Variants in MAPK10 observed in about 807,000 individuals in gnomAD.
MAPK10 encodes the protein JNK3 alpha protein kinase.
In MAPK10, 25 loss-of-function variants were observed where a neutral mutation model predicts 59.3. The observed-to-expected ratio is 0.42, with a 90% CI of 0.31 to 0.59. MAPK10 has a LOEUF of 0.59. MAPK10 is among the 20% of genes least tolerant of loss of function. The pLI is 0.15. For missense variants in MAPK10, 351 were observed against 568.9 expected (o/e 0.62, Z 3.90); for synonymous variants, 190 against 200.5 (o/e 0.95, Z 0.44).
In MAPK10 at chr4:86,586,400, T is replaced by A. The variant is rs188544564; in HGVS notation, c.-263+7510A>T. Among the ~76,000 whole-genome samples, 406 of 152,234 alleles carry A rather than the reference T, an allele frequency of 2.7e-3. 3 individuals are homozygous for A. Among genetic ancestry groups the A allele is most frequent in the African/African-American group, 9.3e-3 (385 of 41,540 alleles). On this transcript the variant is annotated intron_variant, in intron 1 of 4. Transcript: ENST00000502302. Reference sequence around the variant, plus strand: ...ACATACCTCTCCCCCACCAAATTCCTCTCTCTGTCTTTCACTCATCATCGA... The same window carrying A: ...ACATACCTCTCCCCCACCAAATTCCACTCTCTGTCTTTCACTCATCATCGA...
intron 2 of MAPK10, among the ~76,000 whole-genome samples, chr4:86,268,942 T>C (rs1363568131): frequency 2.0e-5 from 3 of 152,182 alleles, no homozygotes; most frequent in Admixed American, 6.6e-5. Context: ...ACTTCTGTGT[T>C]GTTCTCCATT....
intron 1 of MAPK10, among the ~76,000 whole-genome samples, chr4:86,562,959 C>G (rs776923582): frequency 2.0e-5 from 3 of 152,198 alleles, no homozygotes; most frequent in Non-Finnish European, 2.9e-5. Flanking sequence ...CATCTAAATG[C>G]TTTAAGCTCC....
chr4:86,044,154 C>A (rs1353532039), intron 11 of MAPK10, among the ~76,000 whole-genome samples: 1 of 152,170 alleles, frequency 6.6e-6, no homozygotes, highest in Non-Finnish European at 1.5e-5. Flanking sequence ...CACGTCCACT[C>A]AGAGGGGCGA....
chr4:86,044,973 T>C (rs955155189), intron 11 of MAPK10, among the ~76,000 whole-genome samples: 1 of 152,162 alleles, frequency 6.6e-6, no homozygotes, highest in African/African-American at 2.4e-5. Context: ...TTATAATGTG[T>C]TATAAATGGA....
At chr4:86,591,226 T>C (rs796237044) in intron 1 of MAPK10, among the ~76,000 whole-genome samples, 5 of 152,288 alleles carry the variant, frequency 3.3e-5, no homozygotes, top group African/African-American at 1.2e-4. Flanking sequence ...GCCCAGCCAG[T>C]TTTATAAATT....
chr4:86,379,276 T>C (rs527671775), intron 1 of MAPK10, among the ~76,000 whole-genome samples: 4 of 152,322 alleles, frequency 2.6e-5, no homozygotes, highest in Admixed American at 1.3e-4. Flanking sequence ...ACAACTTTAC[T>C]ACCAGCATTT....
At chr4:86,528,021 A>C (rs966799970) in intron 1 of MAPK10, among the ~76,000 whole-genome samples, 1 of 152,208 alleles carries the variant, frequency 6.6e-6, no homozygotes, top group African/African-American at 2.4e-5. Context: ...GGGAGGGGAC[A>C]AGGACTGAAA....
chr4:86,067,528 G>A (rs1339254068), intron 10 of MAPK10, among the ~76,000 whole-genome samples: 1 of 152,064 alleles, frequency 6.6e-6, no homozygotes, highest in Non-Finnish European at 1.5e-5. Flanking sequence ...TTAACTTGAG[G>A]CTGTGCCAAT....
Position 86,153,992 on chromosome 4 carries a change from A to C in MAPK10, c.236+5306T>G, listed in dbSNP as rs1248719507. On this transcript the variant is annotated intron_variant, in intron 4 of 13. Coordinates refer to ENST00000641462, the MANE Select transcript of MAPK10 (RefSeq NM_138982.4). Reference sequence around the variant, plus strand: ...TGTACATGAGAGGATAATCATTTCCACTGGTCAGGGGCTAAATGGAAATGT... The same window carrying C: ...TGTACATGAGAGGATAATCATTTCCCCTGGTCAGGGGCTAAATGGAAATGT... Among the ~76,000 whole-genome samples the C allele has an allele frequency of 2.0e-5, 3 of 152,292 alleles. No homozygotes were observed. The East Asian group carries it at 5.8e-4, about 29-fold the overall frequency.
chr4:86,207,756 C>G (rs2084527885), intron 2 of MAPK10, among the ~76,000 whole-genome samples: 1 of 152,158 alleles, frequency 6.6e-6, no homozygotes, highest in East Asian at 1.9e-4. Context: ...TTGAAGAAGT[C>G]CTTCATGTCC....
At chr4:86,574,367 C>A (rs1483907847) in intron 1 of MAPK10, among the ~76,000 whole-genome samples, 1 of 151,726 alleles carries the variant, frequency 6.6e-6, no homozygotes, top group African/African-American at 2.4e-5. Context: ...AATAAACATA[C>A]GTGTGCATGT....
At chr4:86,075,859 C>G (rs1240845207) in intron 9 of MAPK10, among the ~76,000 whole-genome samples, 1 of 152,120 alleles carries the variant, frequency 6.6e-6, no homozygotes, top group Non-Finnish European at 1.5e-5. Context: ...TTGTCTGTGC[C>G]CTGCCCCCAG....
At chr4:86,498,412 A>T (rs1755054579) in intron 1 of MAPK10, among the ~76,000 whole-genome samples, 1 of 152,166 alleles carries the variant, frequency 6.6e-6, no homozygotes, top group African/African-American at 2.4e-5. Context: ...TTATATGCCA[A>T]ACACAAGGAG....
At chr4:86,138,843 G>C (rs1205310465) in intron 4 of MAPK10, among the ~76,000 whole-genome samples, 1 of 151,916 alleles carries the variant, frequency 6.6e-6, no homozygotes, top group Non-Finnish European at 1.5e-5. Context: ...CAAAGTCTCA[G>C]GATACAAAAC....
At chr4:86,528,583 G>A (rs1757644601) in intron 1 of MAPK10, among the ~76,000 whole-genome samples, 1 of 152,112 alleles carries the variant, frequency 6.6e-6, no homozygotes, top group East Asian at 1.9e-4. Flanking sequence ...CCAGGCTCAA[G>A]TGCTACAGCT....
intron 1 of MAPK10, among the ~76,000 whole-genome samples, chr4:86,567,811 G>C (rs780987769): frequency 2.0e-5 from 3 of 152,182 alleles, no homozygotes; most frequent in Middle Eastern, 3.4e-3. Flanking sequence ...TTTTTTCTTA[G>C]GGAAGGTTAG....
intron 1 of MAPK10, among the ~76,000 whole-genome samples, chr4:86,576,735 A>G (rs566625291): frequency 1.3e-5 from 2 of 151,764 alleles, no homozygotes; most frequent in East Asian, 3.9e-4. Context: ...AGATCGCGCC[A>G]CTGTAGTCCA....
At chr4:86,034,398 T>C (rs1041799367) in intron 11 of MAPK10, among the ~76,000 whole-genome samples, 39 of 152,316 alleles carry the variant, frequency 2.6e-4, no homozygotes, top group Non-Finnish European at 5.1e-4. Flanking sequence ...TGAATTTATA[T>C]TGGTGGTCAA....
At chr4:86,067,722 T>A in intron 10 of MAPK10, 51 bp downstream of exon 10, 1 of 1,490,912 alleles carries the variant, frequency 6.7e-7, no homozygotes, top group Non-Finnish European at 9.1e-7. Context: ...TGTGTGCTTG[T>A]TTGGCCCGTC....
Sources: allele counts gnomAD v4.1 joint callset (sites outside exome capture counted in the v4.1 genomes callset), GRCh38; gene constraint gnomAD v4.1.1; transcripts MANE v1.5; gene names NCBI Gene and HGNC (gene_info 2026-07-23, HGNC 2026-07-21).